VAV3: variants seen among roughly 807,000 people sequenced by gnomAD.
VAV3 encodes guanine nucleotide exchange factor VAV3.
VAV3 carries 94 observed loss-of-function variants against 131.2 expected under a neutral mutation model. The ratio of observed to expected loss-of-function variants is 0.72; its 90% CI spans 0.61 to 0.85. The LOEUF is 0.85. Ranked by LOEUF, VAV3 falls within the 40% of genes least tolerant of loss-of-function variation. The pLI is 0.00. For synonymous variants in VAV3, 349 were observed against 342.0 expected (o/e 1.02, Z -0.22); for missense variants, 939 against 1,002.7 (o/e 0.94, Z 0.86).
intron 4 of VAV3, among the ~76,000 whole-genome samples, 161 bp downstream of exon 4, chr1:107,777,070 A>G (rs1161714074): frequency 6.6e-6 from 1 of 152,240 alleles, no homozygotes; most frequent in African/African-American, 2.4e-5. Flanking sequence ...AACCAGTTGA[A>G]GTACATTTTC....
intron 25 of VAV3, among the ~76,000 whole-genome samples, chr1:107,578,119 A>G (rs1165350537): frequency 6.6e-6 from 1 of 152,192 alleles, no homozygotes; most frequent in African/African-American, 2.4e-5. Flanking sequence ...ACCCAAACAG[A>G]CTGGCCAAGA....
chr1:107,768,509 A>C lies in VAV3; in HGVS notation c.649T>G (p.Tyr217Asp). The change falls in exon 7 of 27, where the codon TAT becomes GAT. Residue 217 changes from tyrosine (Y) to aspartate (D), a missense_variant and splice_region_variant. Physicochemically the swap from Tyr to Asp is radical, Grantham distance 160. Transcript: ENST00000370056. ...AATCTTTTTAGTGGTGCCATGAAAT[A>C]CTACCAGGAAAGAAGAAGAAAATAG... Reference protein sequence around the residue: ...YTETLESIEKYFMAPLKRFLT... With the variant: ...YTETLESIEKDFMAPLKRFLT... 1.2e-6 allele frequency: 2 copies of C among 1,611,128 alleles called. No homozygotes were observed. The highest frequency in any genetic ancestry group is 1.7e-6 in the Non-Finnish European group (2 of 1,178,144).
chr1:107,698,798 CAA>C (rs1659900032), intron 17 of VAV3, among the ~76,000 whole-genome samples: 1 of 152,024 alleles, frequency 6.6e-6, no homozygotes, highest in South Asian at 2.1e-4. Flanking sequence ...TGGCAGAAGG[CAA>C]AAGAGGCAAT....
intron 17 of VAV3, among the ~76,000 whole-genome samples, chr1:107,694,860 T>C (rs1199318943): frequency 6.6e-6 from 1 of 152,176 alleles, no homozygotes; most frequent in South Asian, 2.1e-4. Flanking sequence ...TGCAGTCTAA[T>C]TGAGGAGATG....
chr1:107,846,102 C>T (rs1480606188), intron 2 of VAV3, among the ~76,000 whole-genome samples: 1 of 152,220 alleles, frequency 6.6e-6, no homozygotes, highest in Non-Finnish European at 1.5e-5. Context: ...GTGGATCTCT[C>T]TGCAGAAACT....
At chr1:107,890,406 T>TC in intron 1 of VAV3, among the ~76,000 whole-genome samples, 1 of 152,302 alleles carries the variant, frequency 6.6e-6, no homozygotes. Context: ...CTTTTCTTTT[T>TC]CCCACCTTGT....
At chr1:107,942,086 C>T (rs1674020280) in intron 1 of VAV3, among the ~76,000 whole-genome samples, 2 of 152,120 alleles carry the variant, frequency 1.3e-5, no homozygotes, top group Non-Finnish European at 1.5e-5. Context: ...TACCTGCCTG[C>T]CCAATCACAG....
At chr1:107,596,379 TA>T in intron 24 of VAV3, 38 bp from the exon 25 acceptor site, 1 of 1,607,646 alleles carries the variant, frequency 6.2e-7, no homozygotes, top group Non-Finnish European at 8.5e-7. Context: ...TTGATAAGGA[TA>T]CTTTTGTTCT....
At chr1:107,634,931 C>T (rs1306446826) in intron 20 of VAV3, among the ~76,000 whole-genome samples, 1 of 150,766 alleles carries the variant, frequency 6.6e-6, no homozygotes. Context: ...TACCATCTCA[C>T]ACCAGTTAGA....
chr1:107,821,179 T>C (rs1667776895), intron 2 of VAV3, among the ~76,000 whole-genome samples: 1 of 152,214 alleles, frequency 6.6e-6, no homozygotes, highest in African/African-American at 2.4e-5. Flanking sequence ...GACAAAATCC[T>C]GAAGACAAAC....
chr1:107,752,263 G>A (rs1369943975), intron 12 of VAV3, among the ~76,000 whole-genome samples: 1 of 152,128 alleles, frequency 6.6e-6, no homozygotes, highest in African/African-American at 2.4e-5. Context: ...AACAAATGGT[G>A]CTGGGAAAAC....
intron 2 of VAV3, among the ~76,000 whole-genome samples, chr1:107,817,061 ACT>A (rs1227431349): frequency 2.0e-5 from 3 of 152,064 alleles, no homozygotes; most frequent in African/African-American, 7.3e-5. Flanking sequence ...GATGCAAGAG[ACT>A]CTAGAGGTGC....
intron 17 of VAV3, 86 bp downstream of exon 17, chr1:107,704,464 T>C: frequency 4.2e-6 from 4 of 956,404 alleles, no homozygotes; most frequent in East Asian, 2.4e-5. Flanking sequence ...AATAAACACA[T>C]ATTCAGAGTA....
At chr1:107,945,183 A>G (rs1210274879) in intron 1 of VAV3, among the ~76,000 whole-genome samples, 2 of 152,206 alleles carry the variant, frequency 1.3e-5, no homozygotes, top group African/African-American at 4.8e-5. Flanking sequence ...ATATTAAACT[A>G]TGTTTATTTG....
At chr1:107,914,826 T>A (rs889568573) in intron 1 of VAV3, among the ~76,000 whole-genome samples, 1 of 152,204 alleles carries the variant, frequency 6.6e-6, no homozygotes, top group African/African-American at 2.4e-5. Flanking sequence ...TTTGGTCCTT[T>A]TGCTCCAGAA....
chr1:107,644,264 T>C (rs1363921624), intron 19 of VAV3, among the ~76,000 whole-genome samples: 1 of 152,058 alleles, frequency 6.6e-6, no homozygotes, highest in Non-Finnish European at 1.5e-5. Context: ...CATACACAAG[T>C]GATTAAGAAC....
At chr1:107,667,457 T>C (rs1657490485) in intron 19 of VAV3, among the ~76,000 whole-genome samples, 1 of 152,156 alleles carries the variant, frequency 6.6e-6, no homozygotes, top group African/African-American at 2.4e-5. Context: ...ATGCAGGAAA[T>C]ATAATCCAAC....
In VAV3 at chr1:107,656,943, CTTTTTTTTTTTTTT is replaced by C. The variant is rs57081639; in HGVS notation, c.1778-14202_1778-14189del. Among the ~76,000 whole-genome samples the C allele has an allele frequency of 3.0e-5, 2 of 67,754 alleles. 1 individual carries two copies. The highest frequency in any genetic ancestry group is 1.3e-4 in the African/African-American group (2 of 15,474). The allele number at this position is 67,754 out of a possible 152,430, so 44.4% of individuals were successfully genotyped here. On this transcript the variant is annotated intron_variant, in intron 19 of 26. Transcript: ENST00000370056. ...TTTCCCATTTTCAGTCAAGACAATC[CTTTTTTTTTTTTTT>C]TTTTTTTTTTTTCCGAGACGATGTC...
intron 1 of VAV3, among the ~76,000 whole-genome samples, chr1:107,949,085 C>T (rs1305350381): frequency 6.6e-6 from 1 of 152,148 alleles, no homozygotes; most frequent in African/African-American, 2.4e-5. Flanking sequence ...TTCTATTATA[C>T]CATGCTGCCT....
Sources: gnomAD v4.1 joint callset for allele counts (sites outside exome capture counted in the v4.1 genomes callset) on GRCh38, gnomAD v4.1.1 for gene constraint, MANE v1.5 for transcripts, NCBI Gene and HGNC (gene_info 2026-07-23, HGNC 2026-07-21) for gene names.